Variants in GPHN observed in about 807,000 individuals in gnomAD.
The protein encoded by GPHN is gephyrin.
A neutral mutation model predicts 95.5 loss-of-function variants in GPHN; 17 were observed. That is an observed-to-expected ratio of 0.18 (90% confidence interval 0.12 to 0.27). The LOEUF is 0.27. Ranked by LOEUF, GPHN falls within the 10% of genes least tolerant of loss-of-function variation. The probability of loss-of-function intolerance (pLI) is 1.00; values close to 1 mark genes in which losing one functional copy is unlikely to be tolerated. For synonymous variants in GPHN, 320 were observed against 322.5 expected (o/e 0.99, Z 0.08); for missense variants, 660 against 978.1 (o/e 0.67, Z 4.34).
chr14:67,119,798 AAAAC>A (rs1452972930), intron 16 of GPHN, among the ~76,000 whole-genome samples: 1 of 152,088 alleles, frequency 6.6e-6, no homozygotes, highest in East Asian at 1.9e-4. Flanking sequence ...CTCAAAAACA[AAAAC>A]AAACAACAAC....
At chr14:66,549,539 AT>A (rs2059738992) in intron 1 of GPHN, among the ~76,000 whole-genome samples, 2 of 152,230 alleles carry the variant, frequency 1.3e-5, no homozygotes, top group Non-Finnish European at 2.9e-5. Context: ...AGCCATTTCC[AT>A]TACATGAAAA....
In GPHN at chr14:67,144,270, T is replaced by TACATAC. The variant is rs1567400926; in HGVS notation, c.1836+822_1836+823insCATACA. On this transcript the variant is annotated intron_variant, in intron 18 of 22. Transcript: ENST00000478722. Reference sequence around the variant, plus strand: ...AAAAAAATATATATATATATATATATATATATATATATATATACACACACA... The same window carrying TACATAC: ...AAAAAAATATATATATATATATATATACATACATATATATATATATATACACACACA... Among the ~76,000 whole-genome samples the TACATAC allele has an allele frequency of 8.4e-3, 962 of 114,096 alleles. 143 individuals are homozygous for TACATAC. The highest frequency in any genetic ancestry group is 0.033 in the African/African-American group (897 of 27,562). 74.9% of individuals were successfully genotyped at this position (114,096 alleles called of 152,430 possible).
chr14:66,868,851 G>T (rs2153526479), intron 4 of GPHN, among the ~76,000 whole-genome samples: 1 of 152,012 alleles, frequency 6.6e-6, no homozygotes, highest in South Asian at 2.1e-4. Context: ...AGCAGTCTTT[G>T]AAGCGTCTTT....
the GPHN span, chr14:67,645,837 C>T: frequency 6.2e-7 from 1 of 1,608,260 alleles, no homozygotes. Flanking sequence ...AGGTGAATGG[C>T]TTGCAGGGTT....
chr14:67,089,977 G>A (rs966202084), intron 12 of GPHN, among the ~76,000 whole-genome samples: 4 of 151,914 alleles, frequency 2.6e-5, no homozygotes, highest in Admixed American at 2.6e-4. Context: ...AGTACACATT[G>A]TAGAATGGCT....
chr14:67,035,588 A>G (rs1414804277), intron 10 of GPHN, among the ~76,000 whole-genome samples: 1 of 151,928 alleles, frequency 6.6e-6, no homozygotes, highest in Non-Finnish European at 1.5e-5. Context: ...AGAGACTGCT[A>G]TATACAATTA....
At chr14:67,109,057 G>A (rs775136887) in intron 13 of GPHN, among the ~76,000 whole-genome samples, 5 of 152,216 alleles carry the variant, frequency 3.3e-5, no homozygotes, top group Non-Finnish European at 7.4e-5. Flanking sequence ...CTGTAGCTCC[G>A]AGGCTACAAA....
chr14:66,728,314 C>T (rs905715628), intron 2 of GPHN, among the ~76,000 whole-genome samples: 3 of 152,160 alleles, frequency 2.0e-5, no homozygotes, highest in Admixed American at 1.3e-4. Context: ...AGCCCCCACA[C>T]AGAGTCCCTA....
At chr14:66,789,035 G>A (rs1194682952) in intron 3 of GPHN, among the ~76,000 whole-genome samples, 1 of 152,144 alleles carries the variant, frequency 6.6e-6, no homozygotes, top group African/African-American at 2.4e-5. Flanking sequence ...TACAATTTTT[G>A]TTAAAGAGCA....
At chr14:67,495,527 G>C in the GPHN span, among the ~76,000 whole-genome samples, 20 of 151,646 alleles carry the variant, frequency 1.3e-4, no homozygotes, top group Non-Finnish European at 2.4e-4. Context: ...TTGTTGCCCA[G>C]GCTGGAGTGC....
At chr14:67,076,684 T>C (rs1357575442) in intron 11 of GPHN, among the ~76,000 whole-genome samples, 1 of 152,214 alleles carries the variant, frequency 6.6e-6, no homozygotes, top group Non-Finnish European at 1.5e-5. Context: ...TGTATAATGG[T>C]GGCTTTTAAA....
intron 2 of GPHN, among the ~76,000 whole-genome samples, chr14:66,689,560 C>T (rs1184516944): frequency 6.6e-6 from 1 of 152,124 alleles, no homozygotes; most frequent in Non-Finnish European, 1.5e-5. Context: ...TAATGCTGGC[C>T]TCTTAGAATG....
chr14:67,157,809 CAG>C (rs1349812317), intron 18 of GPHN, among the ~76,000 whole-genome samples: 3 of 146,226 alleles, frequency 2.1e-5, no homozygotes, highest in African/African-American at 7.7e-5. Context: ...GCCTGGGTGA[CAG>C]AGAGAGACCC....
chr14:66,963,616 C>A (rs1465541255), intron 8 of GPHN, among the ~76,000 whole-genome samples: 1 of 151,980 alleles, frequency 6.6e-6, no homozygotes, highest in East Asian at 1.9e-4. Context: ...GGATAAGTGG[C>A]AACAAATAGC....
the GPHN span, chr14:67,659,847 A>G: frequency 6.2e-7 from 1 of 1,614,220 alleles, no homozygotes; most frequent in Non-Finnish European, 8.5e-7. Context: ...TCCTTCCGGT[A>G]GTTTCGAAGC....
chr14:67,302,803 ATCAGTAATATAACTCATTAATTCAC>A, the GPHN span, among the ~76,000 whole-genome samples: 4,571 of 152,148 alleles, frequency 0.03, 86 homozygotes, highest in Non-Finnish European at 0.036. Flanking sequence ...TTTTTCTGGA[ATCAGTAATATAACTCATTAATTCAC>A]TCAGTACATA....
intron 1 of GPHN, among the ~76,000 whole-genome samples, chr14:66,551,862 A>G (rs2059824579): frequency 6.6e-6 from 1 of 152,116 alleles, no homozygotes. Context: ...AGCAAGGGGG[A>G]ATCCATCTCC....
chr14:67,230,922 A>T, the GPHN span, among the ~76,000 whole-genome samples: 1,774 of 152,300 alleles, frequency 0.012, 38 homozygotes, highest in African/African-American at 0.039. Flanking sequence ...AAGTAGCATG[A>T]TGAAATCTCA....
At chr14:66,623,985 A>G (rs1297315111) in intron 1 of GPHN, among the ~76,000 whole-genome samples, 1 of 152,050 alleles carries the variant, frequency 6.6e-6, no homozygotes, top group East Asian at 1.9e-4. Context: ...TTGGACACCA[A>G]CCCTGGAGCG....
Sources: allele counts gnomAD v4.1 joint callset (sites outside exome capture counted in the v4.1 genomes callset), GRCh38; gene constraint gnomAD v4.1.1; transcripts MANE v1.5; gene names NCBI Gene and HGNC (gene_info 2026-07-23, HGNC 2026-07-21).